NFATC2: variants seen among roughly 807,000 people sequenced by gnomAD.
NFATC2 encodes the protein nuclear factor of activated T cells 2, also known as nuclear factor of activated T-cells, cytoplasmic 2.
A neutral mutation model predicts 87.3 loss-of-function variants in NFATC2; 22 were observed. That is an observed-to-expected ratio of 0.25 (90% CI 0.18 to 0.36). The LOEUF is 0.36. Ranked by LOEUF, NFATC2 falls within the 10% of genes least tolerant of loss-of-function variation. The pLI is 1.00. For synonymous variants in NFATC2, 565 were observed against 542.2 expected (o/e 1.04, Z -0.58); for missense variants, 1,149 against 1,259.1 (o/e 0.91, Z 1.32).
intron 1 of NFATC2, among the ~76,000 whole-genome samples, chr20:51,527,386 G>C (rs1201057206): frequency 1.3e-5 from 2 of 152,114 alleles, no homozygotes; most frequent in African/African-American, 4.8e-5. Flanking sequence ...CTGACCACTT[G>C]ACTAGCTCAG....
At chr20:51,458,789 G>A (rs1183641214) in intron 5 of NFATC2, among the ~76,000 whole-genome samples, 1 of 152,100 alleles carries the variant, frequency 6.6e-6, no homozygotes, top group Non-Finnish European at 1.5e-5. Flanking sequence ...ACTCCAGCCT[G>A]GCGACAGAGC....
chr20:51,546,893 C>A (rs796818808), upstream of NFATC2, among the ~76,000 whole-genome samples: 2 of 151,942 alleles, frequency 1.3e-5, no homozygotes, highest in African/African-American at 4.8e-5. Flanking sequence ...ACTAACAGAG[C>A]GATGAGGGAG....
chr20:51,418,912 C>T (rs1228627057), intron 9 of NFATC2, among the ~76,000 whole-genome samples: 2 of 151,780 alleles, frequency 1.3e-5, no homozygotes, highest in Non-Finnish European at 2.9e-5. Context: ...GATCTGCCTG[C>T]CTCGGCTTCC....
intron 2 of NFATC2, among the ~76,000 whole-genome samples, chr20:51,521,969 C>T (rs1008703111): frequency 7.2e-5 from 11 of 152,252 alleles, no homozygotes; most frequent in Non-Finnish European, 1.2e-4. Flanking sequence ...ATTTTCCATG[C>T]TGCAGTTTCT....
At chr20:51,501,196 G>A (rs757373028) in intron 3 of NFATC2, among the ~76,000 whole-genome samples, 3 of 152,054 alleles carry the variant, frequency 2.0e-5, no homozygotes, top group Non-Finnish European at 2.9e-5. Flanking sequence ...GCAGGTATGC[G>A]TCAGAACACT....
At chr20:51,461,527 A>T (rs373757719) in intron 5 of NFATC2, among the ~76,000 whole-genome samples, 1 of 152,106 alleles carries the variant, frequency 6.6e-6, no homozygotes, top group East Asian at 1.9e-4. Context: ...CTTGTATTTT[A>T]TGAGCTCTGA....
intron 5 of NFATC2, among the ~76,000 whole-genome samples, chr20:51,457,909 A>G (rs530171882): frequency 7.0e-6 from 1 of 141,928 alleles, no homozygotes; most frequent in Non-Finnish European, 1.5e-5. Flanking sequence ...TTTTTGAGAC[A>G]TGGTCTTGCT....
intron 6 of NFATC2, among the ~76,000 whole-genome samples, chr20:51,446,139 A>AGTTAC (rs1428700673): frequency 6.6e-6 from 1 of 152,158 alleles, no homozygotes; most frequent in African/African-American, 2.4e-5. Context: ...GCAGACCATG[A>AGTTAC]GTTACCCTCC....
chr20:51,512,599 A>T (rs1195827120), intron 3 of NFATC2, among the ~76,000 whole-genome samples: 2 of 152,246 alleles, frequency 1.3e-5, no homozygotes, highest in Non-Finnish European at 2.9e-5. Flanking sequence ...AAAAGCAATG[A>T]AGAGAACAGC....
intron 5 of NFATC2, among the ~76,000 whole-genome samples, chr20:51,462,251 A>G (rs907015834): frequency 2.7e-5 from 4 of 150,462 alleles, no homozygotes; most frequent in Admixed American, 2.0e-4. Flanking sequence ...CCTGGCCAAC[A>G]TGATGAAACC....
chr20:51,391,781 G>T (rs147232859), intron 10 of NFATC2, among the ~76,000 whole-genome samples: 2 of 152,132 alleles, frequency 1.3e-5, no homozygotes, highest in Non-Finnish European at 2.9e-5. Flanking sequence ...CTCCCAAAGT[G>T]TTGGGATTAC....
chr20:51,506,900 G>A (rs1432885836), intron 3 of NFATC2, among the ~76,000 whole-genome samples: 1 of 152,214 alleles, frequency 6.6e-6, no homozygotes, highest in Admixed American at 6.5e-5. Context: ...CAGTGGCGAG[G>A]GCGGAGGCAA....
At chr20:51,462,437 C>T (rs550920038) in intron 5 of NFATC2, among the ~76,000 whole-genome samples, 1 of 152,266 alleles carries the variant, frequency 6.6e-6, no homozygotes, top group South Asian at 2.1e-4. Flanking sequence ...CAGAGCGAGA[C>T]TCTGTCTCAA....
In NFATC2 at chr20:51,406,365, CAAAG is replaced by C. The variant is rs1418843131; in HGVS notation, c.2723-7639_2723-7636del. On this transcript the variant is annotated intron_variant, in intron 9 of 10. Transcript: ENST00000371564. The stretch of plus-strand genomic sequence containing the variant: ...CAGTAGAAATCACCCACATGGTACA[CAAAG>C]AAAAATGGGGGTGACAGTGTTGGCA... 4.7e-5 allele frequency among the ~76,000 whole-genome samples: 5 copies of C among 105,402 alleles called. No individual in the cohort carries two copies. In the East Asian group the frequency reaches 1.2e-3, roughly 25 times the overall value. 69.1% of individuals were successfully genotyped at this position (105,402 alleles called of 152,430 possible). A position where few individuals can be genotyped will look rare whatever the true frequency, so the allele number is the denominator to read the frequency against.
chr20:51,438,583 A>T (rs974525219), intron 6 of NFATC2, among the ~76,000 whole-genome samples: 2 of 152,214 alleles, frequency 1.3e-5, no homozygotes, highest in Non-Finnish European at 2.9e-5. Context: ...GCTCACACCA[A>T]TAAGTGGCAG....
intron 3 of NFATC2, among the ~76,000 whole-genome samples, chr20:51,516,394 TCTTA>T (rs1568714610): frequency 6.6e-6 from 1 of 152,246 alleles, no homozygotes; most frequent in East Asian, 1.9e-4. Context: ...TTTTAATTTT[TCTTA>T]CTTTTCTATA....
intron 1 of NFATC2, among the ~76,000 whole-genome samples, chr20:51,541,283 G>C (rs1400841144): frequency 6.6e-6 from 1 of 152,040 alleles, no homozygotes; most frequent in Non-Finnish European, 1.5e-5. Context: ...CCCAGAGTGC[G>C]TCTGGAAGCT....
At chr20:51,553,916 C>G (rs763284099) in intron 1 of NFATC2, among the ~76,000 whole-genome samples, 2 of 152,090 alleles carry the variant, frequency 1.3e-5, no homozygotes, top group East Asian at 3.9e-4. Flanking sequence ...CTGTCACCGT[C>G]GGCCCACTGT....
intron 3 of NFATC2, among the ~76,000 whole-genome samples, chr20:51,494,803 A>G (rs901719348): frequency 3.9e-5 from 6 of 152,144 alleles, no homozygotes; most frequent in Admixed American, 3.9e-4. Context: ...CTTCTTAAGG[A>G]TTATTGAATC....
Sources: allele counts gnomAD v4.1 joint callset (sites outside exome capture counted in the v4.1 genomes callset), GRCh38; gene constraint gnomAD v4.1.1; transcripts MANE v1.5; gene names NCBI Gene and HGNC (gene_info 2026-07-23, HGNC 2026-07-21).